SCYL2: variants seen among roughly 807,000 people sequenced by gnomAD.
The protein encoded by SCYL2 is SCY1 like pseudokinase 2, also known as SCY1-like protein 2.
In SCYL2, 36 loss-of-function variants were observed where a neutral mutation model predicts 100.4. The observed-to-expected ratio is 0.36, with a 90% CI of 0.27 to 0.47. SCYL2 has a LOEUF of 0.47. Among genes scored for constraint, SCYL2 ranks in the 20% least tolerant of loss-of-function variants. The probability of loss-of-function intolerance (pLI) is 1.00; values close to 1 mark genes in which losing one functional copy is unlikely to be tolerated. For synonymous variants in SCYL2, 330 were observed against 359.2 expected (o/e 0.92, Z 0.92); for missense variants, 902 against 1,083.9 (o/e 0.83, Z 2.36).
At chr12:100,310,278 G>GAGCCACT (rs1384533426) in intron 4 of SCYL2, among the ~76,000 whole-genome samples, 1 of 152,212 alleles carries the variant, frequency 6.6e-6, no homozygotes, top group Non-Finnish European at 1.5e-5. Flanking sequence ...TTACAGGCAT[G>GAGCCACT]AGCCACTGTG....
chr12:100,306,624 A>C (rs1379072772), intron 4 of SCYL2, among the ~76,000 whole-genome samples: 2 of 152,190 alleles, frequency 1.3e-5, no homozygotes, highest in African/African-American at 4.8e-5. Context: ...CCTATTCAAC[A>C]TTGTATTGGA....
chr12:100,331,741 G>A (rs1402563856), intron 13 of SCYL2, among the ~76,000 whole-genome samples: 1 of 152,120 alleles, frequency 6.6e-6, no homozygotes, highest in African/African-American at 2.4e-5. Flanking sequence ...TAGCATGGAT[G>A]TGGTCTGCCT....
chr12:100,335,083 T>C lies in SCYL2; in HGVS notation c.1863-542T>C, dbSNP rs117665601. ...GTGTATGTATGTGGTGTTTGATGGATTGACTATGTTAACATAAAAATCTGG... is the reference window on the plus strand; with the variant it reads ...GTGTATGTATGTGGTGTTTGATGGACTGACTATGTTAACATAAAAATCTGG... On this transcript the variant is annotated intron_variant, in intron 14 of 17. Transcript: ENST00000360820. 2.2e-3 allele frequency among the ~76,000 whole-genome samples: 334 copies of C among 152,186 alleles called. 5 individuals carry two copies. In the East Asian group the frequency reaches 0.037, roughly 17 times the overall value.
At chr12:100,291,935 G>T in intron 3 of SCYL2, 1 of 320,192 alleles carries the variant, frequency 3.1e-6, no homozygotes, top group Non-Finnish European at 5.6e-6. Flanking sequence ...GAACATACAA[G>T]GGTATAGAAT....
chr12:100,309,133 T>TGTGTGTGTGTGTGC (rs1442815826), intron 4 of SCYL2, among the ~76,000 whole-genome samples: 24 of 150,014 alleles, frequency 1.6e-4, no homozygotes, highest in African/African-American at 4.0e-4. Context: ...TGTGTGTGTG[T>TGTGTGTGTGTGTGC]GCGCGCGCGT....
chr12:100,301,365 A>C (rs1159770058), intron 4 of SCYL2, among the ~76,000 whole-genome samples: 1 of 151,556 alleles, frequency 6.6e-6, no homozygotes, highest in African/African-American at 2.4e-5. Flanking sequence ...TTTTCAATGG[A>C]GTTGTTTGAA....
At chr12:100,321,191 T>C (rs2096355414) in intron 10 of SCYL2, among the ~76,000 whole-genome samples, 1 of 152,246 alleles carries the variant, frequency 6.6e-6, no homozygotes. Context: ...TTTGGAAGCC[T>C]AAGAATAAGT....
intron 2 of SCYL2, among the ~76,000 whole-genome samples, chr12:100,286,144 T>G (rs75093267): frequency 0.025 from 3,750 of 152,218 alleles, 150 homozygotes; most frequent in African/African-American, 0.085. Flanking sequence ...AGTGCCTAAT[T>G]TTTACCTCCT....
Position 100,329,183 on chromosome 12 carries a change from C to T in SCYL2, c.1643-18C>T, listed in dbSNP as rs759882321. ...TATGGTGTTAACTTATAAAATTTGT[C>T]ACATTCTTTTCTATCAGGTATTTAC... On this transcript the variant is annotated intron_variant, in intron 12 of 17. Coordinates refer to ENST00000360820, the MANE Select transcript of SCYL2 (RefSeq NM_017988.6). 5 of 1,171,114 alleles carry T rather than the reference C, an allele frequency of 4.3e-6. No individual in the cohort carries two copies. The highest frequency in any genetic ancestry group is 2.6e-6 in the Non-Finnish European group (2 of 778,204). 72.5% of individuals were successfully genotyped at this position (1,171,114 alleles called of 1,614,324 possible). A position where few individuals can be genotyped will look rare whatever the true frequency, so the allele number is the denominator to read the frequency against.
Position 100,301,616 on chromosome 12 carries a change from ATATC to A in SCYL2, c.480+3445_480+3448del, listed in dbSNP as rs1399266484. On this transcript the variant is annotated intron_variant, in intron 4 of 17. Transcript: ENST00000360820. ...AGCCATTGGTTGAAATGTTCTGTAAATATCTATGAGATCCATTTAATCTATGGTG... is the reference window on the plus strand; with the variant it reads ...AGCCATTGGTTGAAATGTTCTGTAAATATGAGATCCATTTAATCTATGGTG... Among the ~76,000 whole-genome samples the A allele has an allele frequency of 3.3e-5, 5 of 152,332 alleles. No homozygotes were observed. The South Asian group carries it at 8.3e-4, about 25-fold the overall frequency.
intron 1 of SCYL2, among the ~76,000 whole-genome samples, chr12:100,279,580 G>C (rs1015466462): frequency 6.6e-6 from 1 of 152,132 alleles, no homozygotes; most frequent in African/African-American, 2.4e-5. Context: ...ATTGGGTTTT[G>C]TTCTGGTAGG....
chr12:100,338,433 T>TA, intron 17 of SCYL2, 95 bp from the exon 18 acceptor site: 4 of 1,148,978 alleles, frequency 3.5e-6, no homozygotes, highest in Non-Finnish European at 4.8e-6. Flanking sequence ...AGCTTAATTC[T>TA]AACTTGTCCT....
At chr12:100,312,080 A>G (rs2096342882) in intron 5 of SCYL2, among the ~76,000 whole-genome samples, 1 of 152,210 alleles carries the variant, frequency 6.6e-6, no homozygotes, top group African/African-American at 2.4e-5. Context: ...TAAATCACAT[A>G]GCTAATTAGT....
At chr12:100,315,853 C>A in intron 9 of SCYL2, 119 bp downstream of exon 9, 2 of 769,916 alleles carry the variant, frequency 2.6e-6, no homozygotes, top group Non-Finnish European at 3.7e-6. Context: ...ATGAGACTTT[C>A]TTTTCCATTA....
At position 100,338,755 on chromosome 12, in the gene SCYL2, C is replaced by A; in HGVS notation, c.2373C>A (p.Asn791Lys). 6.2e-7 allele frequency: 1 copy of A among 1,614,110 alleles called. No individual in the cohort carries two copies. The highest frequency in any genetic ancestry group is 8.5e-7 in the Non-Finnish European group (1 of 1,180,006). Residue 791 changes from asparagine to lysine, a missense_variant, in exon 18 of 18, where the codon AAC becomes AAA. Transcript: ENST00000360820. ...GATTCAACATGCCCGTTAATACAAA[C>A]CAGAACTTCTACAGTAGTCCAAGCA... ...TSGFNMPVNT[N>K]QNFYSSPSTV...
rs550312759 is a variant in SCYL2 at position 100,307,881 on chromosome 12, G to GA, written c.481-3156dup. Reference sequence around the variant, plus strand: ...ACATTTATGCAGCCAACAAACATATGAAAAAAAGCTCATCATCACTGGTCA... The same window carrying GA: ...ACATTTATGCAGCCAACAAACATATGAAAAAAAAGCTCATCATCACTGGTCA... On this transcript the variant is annotated intron_variant, in intron 4 of 17. Transcript: ENST00000360820. Among the ~76,000 whole-genome samples the GA allele has an allele frequency of 3.9e-5, 6 of 152,202 alleles. No individual in the cohort carries two copies. The South Asian group carries it at 1.0e-3, about 26-fold the overall frequency.
chr12:100,283,451 A>G (rs2096301088), intron 2 of SCYL2, among the ~76,000 whole-genome samples: 1 of 152,202 alleles, frequency 6.6e-6, no homozygotes, highest in Non-Finnish European at 1.5e-5. Context: ...TTAGTGAAGC[A>G]TATGTTTTAG....
At chr12:100,303,858 C>T (rs1245946226) in intron 4 of SCYL2, among the ~76,000 whole-genome samples, 7 of 152,194 alleles carry the variant, frequency 4.6e-5, no homozygotes, top group Admixed American at 4.6e-4. Context: ...GCTGTGCCCA[C>T]AGCTGCCTCT....
intron 3 of SCYL2, among the ~76,000 whole-genome samples, chr12:100,293,281 A>G (rs912011154): frequency 2.6e-5 from 4 of 152,086 alleles, no homozygotes; most frequent in African/African-American, 7.2e-5. Context: ...TTGTCATAAA[A>G]ATATTTTTTA....
Sources: allele counts gnomAD v4.1 joint callset (sites outside exome capture counted in the v4.1 genomes callset), GRCh38; gene constraint gnomAD v4.1.1; transcripts MANE v1.5; gene names NCBI Gene and HGNC (gene_info 2026-07-23, HGNC 2026-07-21).